CP: variants seen among roughly 807,000 people sequenced by gnomAD.
The protein encoded by CP is caeruloplasmin.
In CP, 64 loss-of-function variants were observed where a neutral mutation model predicts 122.4. The observed-to-expected ratio is 0.52, with a 90% confidence interval of 0.43 to 0.64. The LOEUF (loss-of-function observed/expected upper bound fraction) is 0.64, where lower values mean the gene tolerates loss of function less well. Ranked by LOEUF, CP falls within the 30% of genes least tolerant of loss-of-function variation. CP has a pLI of 0.00. For missense variants in CP, 1,167 were observed against 1,284.4 expected (o/e 0.91, Z 1.40); for synonymous variants, 440 against 436.4 (o/e 1.01, Z -0.10).
At position 149,199,708 on chromosome 3, in the gene CP, T is replaced by C; in HGVS notation, c.1501+4A>G. ...TGATTTGTTACACAGTGCTGTATACTCACTTCTGCTCTGGGGGTTGTAATT... is the reference window on the plus strand; with the variant it reads ...TGATTTGTTACACAGTGCTGTATACCCACTTCTGCTCTGGGGGTTGTAATT... On this transcript the variant is annotated splice_donor_region_variant and intron_variant, in intron 8 of 18. Coordinates refer to ENST00000264613, the MANE Select transcript of CP (RefSeq NM_000096.4). The C allele has an allele frequency of 6.2e-7, 1 of 1,614,070 alleles. No individual in the cohort carries two copies. Among genetic ancestry groups the C allele is most frequent in the Non-Finnish European group, 8.5e-7 (1 of 1,179,998 alleles).
At chr3:149,181,103 C>T (rs957470081) in intron 14 of CP, among the ~76,000 whole-genome samples, 3 of 152,190 alleles carry the variant, frequency 2.0e-5, no homozygotes, top group Non-Finnish European at 4.4e-5. Context: ...CACTTAACCA[C>T]ACATCACCAA....
rs371537215 is a variant in CP at position 149,201,320 on chromosome 3, AC to A, written c.1348+781del. Among the ~76,000 whole-genome samples the A allele has an allele frequency of 8.6e-5, 13 of 151,520 alleles. 1 individual carries two copies. The South Asian group carries it at 2.5e-3, about 29-fold the overall frequency. On this transcript the variant is annotated intron_variant, in intron 7 of 18. Coordinates refer to ENST00000264613, the MANE Select transcript of CP (RefSeq NM_000096.4). The stretch of plus-strand genomic sequence containing the variant: ...TGTATTTTTAGTAGAGACTGGTTTC[AC>A]CGTGTTAGCCAGGATGGTCTCGATC...
At chr3:149,217,937 A>G (rs1280928461) in intron 1 of CP, 1 of 431,740 alleles carries the variant, frequency 2.3e-6, no homozygotes, top group Admixed American at 3.0e-5. Context: ...CTTGGTCATT[A>G]GGCCTGCTTA....
chr3:149,182,107 C>T lies in CP; in HGVS notation c.2452G>A (p.Asp818Asn). Residue 818 changes from aspartate (D) to asparagine (N), a missense_variant, in exon 14 of 19, where the codon GAC becomes AAC. Transcript: ENST00000264613. ...LGPQLHADVG[D>N]KVKIIFKNMA... ...TTTTTAAAGATAATTTTGACTTTGTCTCCAACATCTGCATGAAGTTGTGGA... is the reference window on the plus strand; with the variant it reads ...TTTTTAAAGATAATTTTGACTTTGTTTCCAACATCTGCATGAAGTTGTGGA... The T allele has an allele frequency of 2.5e-6, 4 of 1,611,842 alleles. No homozygotes were observed. The highest frequency in any genetic ancestry group is 3.4e-6 in the Non-Finnish European group (4 of 1,179,094).
At chr3:149,163,602 A>T (rs569137298) in intron 5 of CP, among the ~76,000 whole-genome samples, 1 of 152,342 alleles carries the variant, frequency 6.6e-6, no homozygotes, top group East Asian at 1.9e-4. Context: ...TTTTGCTAGA[A>T]AGTGCCTCTT....
chr3:149,178,448 C>A lies in CP; in HGVS notation c.2845G>T (p.Asp949Tyr). Reference sequence around the variant, plus strand: ...TTATTGCTTTCTATGAATTCCTCATCATCTTTGTTTACTTTCTCGGGGTGA... The same window carrying A: ...TTATTGCTTTCTATGAATTCCTCATAATCTTTGTTTACTTTCTCGGGGTGA... ...SDHPEKVNKD[D>Y]EEFIESNKMH... Residue 949 changes from aspartate (D) to tyrosine (Y), a missense_variant, in exon 16 of 19, where the codon GAT (aspartate) becomes TAT (tyrosine). Around this residue, in one of 2 missense-constraint regions of CP, gnomAD observed 525 missense variants for 657.2 expected, o/e 0.80. Coordinates refer to ENST00000264613, the MANE Select transcript of CP (RefSeq NM_000096.4). The A allele has an allele frequency of 6.2e-7, 1 of 1,612,314 alleles. No homozygotes were observed.
At chr3:149,176,956 A>T (rs891652759) in intron 17 of CP, among the ~76,000 whole-genome samples, 2 of 152,212 alleles carry the variant, frequency 1.3e-5, no homozygotes, top group African/African-American at 4.8e-5. Flanking sequence ...CAATATATCT[A>T]TGTAAAACAA....
At chr3:149,207,245 T>TA (rs2108289890) in intron 5 of CP, 118 bp downstream of exon 5, 2 of 1,208,118 alleles carry the variant, frequency 1.7e-6, no homozygotes, top group African/African-American at 1.5e-5. Context: ...ATCATAGGGA[T>TA]AAAACTAAGA....
At chr3:149,191,736 T>G (rs1227105723) in intron 9 of CP, among the ~76,000 whole-genome samples, 1 of 152,112 alleles carries the variant, frequency 6.6e-6, no homozygotes, top group Non-Finnish European at 1.5e-5. Flanking sequence ...GAAATGAATA[T>G]TTAAGATGTC....
At chr3:149,210,027 C>A in intron 3 of CP, 140 bp downstream of exon 3, 1 of 747,066 alleles carries the variant, frequency 1.3e-6, no homozygotes, top group South Asian at 1.7e-5. Context: ...CCTGGCTCTT[C>A]CCTTCCTTTT....
At chr3:149,167,382 A>G in intron 4 of CP, 1 of 708,060 alleles carries the variant, frequency 1.4e-6, no homozygotes, top group South Asian at 1.5e-5. Context: ...ATATATGTTT[A>G]ATATGTTACG....
intron 9 of CP, among the ~76,000 whole-genome samples, chr3:149,191,239 C>T (rs945415347): frequency 3.6e-5 from 4 of 110,784 alleles, no homozygotes; most frequent in African/African-American, 1.3e-4. Context: ...TATCTCATTA[C>T]GCTATTTTTT....
intron 9 of CP, among the ~76,000 whole-genome samples, chr3:149,194,520 T>C (rs1332568402): frequency 2.6e-5 from 4 of 152,210 alleles, no homozygotes; most frequent in Middle Eastern, 3.4e-3. Context: ...ATTACAGGTA[T>C]GAACCACCAC....
chr3:149,213,477 A>G (rs1305814744), intron 1 of CP, among the ~76,000 whole-genome samples: 1 of 152,232 alleles, frequency 6.6e-6, no homozygotes, highest in East Asian at 1.9e-4. Context: ...TTCTTGTGTT[A>G]TCAACCTTAA....
At chr3:149,170,666 T>G (rs1724886143), downstream of CP, 1 of 152,246 alleles carries the variant, frequency 6.6e-6, no homozygotes, top group Admixed American at 6.5e-5. Context: ...CTTTATTCAT[T>G]AACTCTTTAG....
chr3:149,220,184 T>C (rs1333089172), intron 1 of CP, among the ~76,000 whole-genome samples: 1 of 152,184 alleles, frequency 6.6e-6, no homozygotes, highest in Non-Finnish European at 1.5e-5. Context: ...ACTCCCTGAT[T>C]TTTAGAATTA....
chr3:149,172,079 AT>A, downstream of CP: 1 of 1,611,288 alleles, frequency 6.2e-7, no homozygotes, highest in Non-Finnish European at 8.5e-7. Flanking sequence ...TAATTCAGAT[AT>A]TCTTTTCTAC....
At chr3:149,181,975 C>CTGGGGGGGG in intron 14 of CP, 30 bp downstream of exon 14, 2 of 1,088,424 alleles carry the variant, frequency 1.8e-6, no homozygotes, top group Non-Finnish European at 2.7e-6. Context: ...TGTTAAAATG[C>CTGGGGGGGG]ACCACCCCCA....
At chr3:149,213,997 T>C (rs1235569646) in intron 1 of CP, among the ~76,000 whole-genome samples, 1 of 152,184 alleles carries the variant, frequency 6.6e-6, no homozygotes, top group Non-Finnish European at 1.5e-5. Context: ...CCATTGATTC[T>C]GATTCTGTGG....
Sources: allele counts gnomAD v4.1 joint callset (sites outside exome capture counted in the v4.1 genomes callset), GRCh38; gene constraint gnomAD v4.1.1; regional missense constraint gnomAD v4.1.1; transcripts MANE v1.5; gene names NCBI Gene and HGNC (gene_info 2026-07-23, HGNC 2026-07-21).